SIM1: variants seen among roughly 807,000 people sequenced by gnomAD.
SIM1 encodes the protein single-minded homolog 1.
SIM1 carries 18 observed loss-of-function variants against 78.2 expected under a neutral mutation model. That is an observed-to-expected ratio of 0.23 (90% CI 0.16 to 0.34). The LOEUF is 0.34. SIM1 is among the 10% of genes least tolerant of loss of function. The probability of loss-of-function intolerance (pLI) is 1.00; values close to 1 mark genes in which losing one functional copy is unlikely to be tolerated. For synonymous variants in SIM1, 417 were observed against 385.2 expected, an observed-to-expected ratio of 1.08 and a Z score of -0.97; for missense variants, 939 against 975.1, an observed-to-expected ratio of 0.96 and a Z score of 0.49.
At chr6:100,395,124 T>C (rs1770736978) in intron 10 of SIM1, among the ~76,000 whole-genome samples, 1 of 152,188 alleles carries the variant, frequency 6.6e-6, no homozygotes, top group South Asian at 2.1e-4. Context: ...CTAAAATCAG[T>C]AATATAACAA....
intron 9 of SIM1, among the ~76,000 whole-genome samples, chr6:100,424,474 C>T (rs1191286653): frequency 1.3e-5 from 2 of 152,094 alleles, no homozygotes; most frequent in Non-Finnish European, 2.9e-5. Context: ...CTCACTGTCT[C>T]ATCCAAGTTG....
intron 10 of SIM1, among the ~76,000 whole-genome samples, chr6:100,409,108 CT>C (rs34200354): frequency 1.3e-5 from 2 of 151,114 alleles, no homozygotes; most frequent in Non-Finnish European, 3.0e-5. Flanking sequence ...TTCAGATTTT[CT>C]TTTTTTTTAC....
chr6:100,416,260 C>A (rs55877300), intron 10 of SIM1, among the ~76,000 whole-genome samples: 10,359 of 152,256 alleles, frequency 0.068, 478 homozygotes, highest in East Asian at 0.18. Flanking sequence ...TTAATTCTTA[C>A]AGTGGTAGCA....
chr6:100,454,821 G>C (rs890013907), intron 2 of SIM1, among the ~76,000 whole-genome samples: 2 of 152,096 alleles, frequency 1.3e-5, no homozygotes, highest in African/African-American at 2.4e-5. Flanking sequence ...TTTGCGGAAA[G>C]AAAAAACAAA....
At chr6:100,425,887 T>TA (rs928507767) in intron 9 of SIM1, among the ~76,000 whole-genome samples, 18 of 152,312 alleles carry the variant, frequency 1.2e-4, no homozygotes, top group African/African-American at 4.1e-4. Flanking sequence ...CTTAGACTCT[T>TA]AAATCAGTGT....
At position 100,429,116 on chromosome 6, in the gene SIM1, C is replaced by T. The variant is rs183749464; in HGVS notation, c.999-8158G>A. 1.5e-3 allele frequency among the ~76,000 whole-genome samples: 234 copies of T among 152,232 alleles called. 8 individuals carry two copies. The East Asian group carries it at 0.043, about 28-fold the overall frequency. On this transcript the variant is annotated intron_variant, in intron 9 of 11. Coordinates refer to ENST00000369208, the MANE Select transcript of SIM1 (RefSeq NM_005068.3). Reference sequence around the variant, plus strand: ...GGGCACGGTAGCTCACGCCTGTAATCCCAGCACTTTGGGAGGCCAAGGCAG... The same window carrying T: ...GGGCACGGTAGCTCACGCCTGTAATTCCAGCACTTTGGGAGGCCAAGGCAG...
At chr6:100,397,298 C>G (rs1226722185) in intron 10 of SIM1, among the ~76,000 whole-genome samples, 1 of 152,122 alleles carries the variant, frequency 6.6e-6, no homozygotes, top group Non-Finnish European at 1.5e-5. Context: ...GCCCTTAAGA[C>G]CTATAAGGTC....
In SIM1 at chr6:100,412,637, A is replaced by G. The variant is rs535958730; in HGVS notation, c.1167+8153T>C. ...GAAAGAAAGAAGGAAAGAAAGAAAG[A>G]AAAGAAAGAAAGAAAGAAAGAGAGA... On this transcript the variant is annotated intron_variant, in intron 10 of 11. Coordinates refer to ENST00000369208, the MANE Select transcript of SIM1 (RefSeq NM_005068.3). 8.7e-5 allele frequency among the ~76,000 whole-genome samples: 8 copies of G among 91,648 alleles called. 1 individual carries two copies. Among genetic ancestry groups the G allele is most frequent in the African/African-American group, 2.4e-4 (6 of 25,398 alleles). 60.1% of individuals were successfully genotyped at this position (91,648 alleles called of 152,430 possible).
At chr6:100,400,202 T>A (rs1770872250) in intron 10 of SIM1, among the ~76,000 whole-genome samples, 1 of 151,530 alleles carries the variant, frequency 6.6e-6, no homozygotes, top group African/African-American at 2.4e-5. Flanking sequence ...CAGAGTAAAG[T>A]AAATTTTAAA....
chr6:100,453,812 T>G lies in SIM1; in HGVS notation c.208A>C (p.Thr70Pro). 1.9e-6 allele frequency: 3 copies of G among 1,612,438 alleles called. No individual in the cohort carries two copies. Among genetic ancestry groups the G allele is most frequent in the Non-Finnish European group, 2.5e-6 (3 of 1,179,292 alleles). ...LGEAWGHSSR[T>P]SPLDNVGREL... ...CGGCCAACGTTGTCCAGGGGGCTGG[T>G]CCGACTTGAGTGGCCCCACGCCTCG... The change falls in exon 3 of 12, where the codon ACC (threonine) becomes CCC (proline). Residue 70 changes from threonine to proline, a missense_variant. Thr to Pro is a conservative substitution (Grantham distance 38). Coordinates refer to ENST00000369208, the MANE Select transcript of SIM1 (RefSeq NM_005068.3).
intron 2 of SIM1, among the ~76,000 whole-genome samples, chr6:100,460,696 A>G (rs1042013412): frequency 1.3e-5 from 2 of 152,160 alleles, no homozygotes; most frequent in African/African-American, 2.4e-5. Flanking sequence ...TTGGACCCCA[A>G]TCTTGTTTGC....
In SIM1 at chr6:100,389,094, C is replaced by T. The variant is rs572910387; in HGVS notation, c.*1267G>A. The stretch of plus-strand genomic sequence containing the variant: ...TAGAGCCCAGGCACGGTGAATGGTA[C>T]AACTGTGGTCACAAAATTAAGTTAC... On this transcript the variant is annotated 3_prime_UTR_variant, in exon 12 of 12. Transcript: ENST00000369208. The T allele has an allele frequency of 6.6e-6, 1 of 152,420 alleles. No homozygotes were observed. The highest frequency in any genetic ancestry group is 2.4e-5 in the African/African-American group (1 of 41,586). The allele number at this position is 152,420 out of a possible 1,614,324, so 9.4% of individuals were successfully genotyped here. A position where few individuals can be genotyped will look rare whatever the true frequency, so the allele number is the denominator to read the frequency against.
At chr6:100,420,245 TCTCTAC>T (rs1771538077) in intron 10 of SIM1, among the ~76,000 whole-genome samples, 1 of 152,220 alleles carries the variant, frequency 6.6e-6, no homozygotes, top group African/African-American at 2.4e-5. Flanking sequence ...TCTCATCTTC[TCTCTAC>T]CTTGCAAAGA....
At chr6:100,437,242 C>T (rs1772080015) in intron 9 of SIM1, 2 of 152,058 alleles carry the variant, frequency 1.3e-5, no homozygotes, top group Admixed American at 1.3e-4. Context: ...GTAATGCATT[C>T]CTATGTTTTT....
rs1351735400 is a variant in SIM1, at chr6:100,385,489, G to A, written c.*4872C>T. 1 of 151,968 alleles carries A rather than the reference G, an allele frequency of 6.6e-6. No homozygotes were observed. The highest frequency in any genetic ancestry group is 2.4e-5 in the African/African-American group (1 of 41,410). 9.4% of individuals were successfully genotyped at this position (151,968 alleles called of 1,614,324 possible). A position where few individuals can be genotyped will look rare whatever the true frequency, so the allele number is the denominator to read the frequency against. ...TGTAAACACATCAGGGTTACCGGGT[G>A]TAAGTTTAACAGTGATTACATGTGT... On this transcript the variant is annotated 3_prime_UTR_variant, in exon 12 of 12. Transcript: ENST00000369208.
Position 100,393,754 on chromosome 6 carries a change from C to A in SIM1, c.1303G>T (p.Ala435Ser), listed in dbSNP as rs1333418276. The change falls in exon 11 of 12, where the codon GCC becomes TCC. Residue 435 changes from alanine to serine, a missense_variant. By Grantham distance (99) the Ala-to-Ser change is moderately conservative. Around this residue, in one of 5 missense-constraint regions of SIM1, gnomAD observed 556 missense variants for 521.9 expected, o/e 1.07. Transcript: ENST00000369208. ...RPGSQHDASC[A>S]YRQFSDRSSL... ...CTGCGGTCCGAAAACTGTCTGTAGG[C>A]GCACGATGCGTCGTGCTGGGAGCCA... The A allele has an allele frequency of 1.2e-6, 2 of 1,614,208 alleles. No individual in the cohort carries two copies. The highest frequency in any genetic ancestry group is 1.6e-4 in the Middle Eastern group (1 of 6,062).
chr6:100,385,262 T>C lies in SIM1; in HGVS notation c.*5099A>G, dbSNP rs531941637. On this transcript the variant is annotated 3_prime_UTR_variant, in exon 12 of 12. Transcript: ENST00000369208. ...ACATTGCAAGACGGTATTTGAAATA[T>C]TGGCGATCAGTATCTTTTCTCACAA... 1 of 152,218 alleles carries C rather than the reference T, an allele frequency of 6.6e-6. No individual in the cohort carries two copies. Among genetic ancestry groups the C allele is most frequent in the East Asian group, 1.9e-4 (1 of 5,188 alleles). The allele number at this position is 152,218 out of a possible 1,614,324, so 9.4% of individuals were successfully genotyped here. A position where few individuals can be genotyped will look rare whatever the true frequency, so the allele number is the denominator to read the frequency against.
At chr6:100,463,105 G>A (rs1204202288) in intron 2 of SIM1, 189 bp downstream of exon 2, 4 of 533,186 alleles carry the variant, frequency 7.5e-6, no homozygotes, top group Non-Finnish European at 1.0e-5. Flanking sequence ...GAGGTAGAGG[G>A]AGCCTCAAAA....
intron 8 of SIM1, among the ~76,000 whole-genome samples, chr6:100,447,633 G>T (rs1225578870): frequency 2.0e-5 from 3 of 152,238 alleles, no homozygotes; most frequent in African/African-American, 7.2e-5. Flanking sequence ...TGATACAGGG[G>T]TGGCCAGATG....
Sources: gnomAD v4.1 joint callset for allele counts (sites outside exome capture counted in the v4.1 genomes callset) on GRCh38, gnomAD v4.1.1 for gene constraint, gnomAD v4.1.1 regional missense constraint, MANE v1.5 for transcripts, NCBI Gene and HGNC (gene_info 2026-07-23, HGNC 2026-07-21) for gene names.